HOOK3: variants seen among roughly 807,000 people sequenced by gnomAD.
The protein encoded by HOOK3 is hook microtubule tethering protein 3.
In HOOK3, 24 loss-of-function variants were observed where a neutral mutation model predicts 116.3. The observed-to-expected ratio is 0.21, with a 90% CI of 0.15 to 0.29. HOOK3 has a LOEUF of 0.29. HOOK3 is among the 10% of genes least tolerant of loss of function. The pLI is 1.00. For missense variants in HOOK3, 632 were observed against 830.2 expected (o/e 0.76, Z 2.93); for synonymous variants, 275 against 283.0 (o/e 0.97, Z 0.28).
chr8:42,909,709 C>T (rs1471304602), intron 2 of HOOK3, among the ~76,000 whole-genome samples: 1 of 152,214 alleles, frequency 6.6e-6, no homozygotes, highest in African/African-American at 2.4e-5. Context: ...AAGCAATCCT[C>T]CTGCCTTGGC....
chr8:43,001,222 G>T (rs1310522867), intron 16 of HOOK3: 1 of 152,056 alleles, frequency 6.6e-6, no homozygotes, highest in African/African-American at 2.4e-5. Flanking sequence ...ACATATTGAG[G>T]AAAGAAGTGA....
At chr8:42,939,131 A>G (rs902610721) in intron 4 of HOOK3, among the ~76,000 whole-genome samples, 4 of 152,232 alleles carry the variant, frequency 2.6e-5, no homozygotes, top group African/African-American at 9.6e-5. Context: ...TACACAGACA[A>G]CGGCAACCAT....
At chr8:42,921,319 G>A (rs965696995) in intron 2 of HOOK3, among the ~76,000 whole-genome samples, 3 of 152,078 alleles carry the variant, frequency 2.0e-5, no homozygotes, top group African/African-American at 7.2e-5. Flanking sequence ...AGATTCATGT[G>A]TGAGTCTTTT....
chr8:42,993,365 T>G (rs757791664), intron 15 of HOOK3, among the ~76,000 whole-genome samples: 4 of 152,256 alleles, frequency 2.6e-5, no homozygotes, highest in Non-Finnish European at 5.9e-5. Context: ...CAGGCTGGTC[T>G]CGAACTCTTG....
intron 6 of HOOK3, among the ~76,000 whole-genome samples, chr8:42,950,799 C>A (rs1395783472): frequency 6.6e-6 from 1 of 151,896 alleles, no homozygotes; most frequent in South Asian, 2.1e-4. Context: ...GATTCTCCTG[C>A]CTCACTCTCC....
Position 42,982,764 on chromosome 8 carries a change from T to C in HOOK3, c.1391+68T>C, listed in dbSNP as rs183414164. 1.5e-5 allele frequency: 15 copies of C among 981,828 alleles called. No homozygotes were observed. The East Asian group carries it at 2.4e-4, about 16-fold the overall frequency. 60.8% of individuals were successfully genotyped at this position (981,828 alleles called of 1,614,324 possible). ...TTGGAGAAAACGTACTTCTCTACAA[T>C]ATGAAGAAGATAATTTCCTTATTCT... On this transcript the variant is annotated intron_variant, in intron 14 of 21. Coordinates refer to ENST00000307602, the MANE Select transcript of HOOK3 (RefSeq NM_032410.4).
rs1382504284 is a variant in HOOK3, at chr8:43,025,863, G to T, written c.*7365G>T. The T allele has an allele frequency of 9.5e-6, 2 of 209,780 alleles. No individual in the cohort carries two copies. The highest frequency in any genetic ancestry group is 1.9e-5 in the Non-Finnish European group (2 of 103,490). 13.0% of individuals were successfully genotyped at this position (209,780 alleles called of 1,614,324 possible). ...AGTTTTGTTTTAAATGAAGGCAAAA[G>T]TAGACATTTTTAAAGTATATTCAAC... On this transcript the variant is annotated 3_prime_UTR_variant, in exon 22 of 22. Coordinates refer to ENST00000307602, the MANE Select transcript of HOOK3 (RefSeq NM_032410.4).
intron 17 of HOOK3, among the ~76,000 whole-genome samples, chr8:43,004,569 TA>T (rs1490464633): frequency 6.7e-6 from 1 of 148,972 alleles, no homozygotes; most frequent in Non-Finnish European, 1.5e-5. Flanking sequence ...TAATCCCAGC[TA>T]CTTGCAAGGC....
At position 42,918,419 on chromosome 8, in the gene HOOK3, C is replaced by T. The variant is rs551114383; in HGVS notation, c.144-7138C>T. Reference sequence around the variant, plus strand: ...AATAAAATTTAGGTGTTTTTTTTAACATTTTTTTTTAAATTTTTTTAGTAT... The same window carrying T: ...AATAAAATTTAGGTGTTTTTTTTAATATTTTTTTTTAAATTTTTTTAGTAT... On this transcript the variant is annotated intron_variant, in intron 2 of 21. Transcript: ENST00000307602. Among the ~76,000 whole-genome samples, 14 of 151,844 alleles carry T rather than the reference C, an allele frequency of 9.2e-5. No individual in the cohort carries two copies. The East Asian group carries it at 2.7e-3, about 29-fold the overall frequency.
rs1490030351 is a variant in HOOK3, at chr8:43,028,801, C to T, written c.*10303C>T. On this transcript the variant is annotated 3_prime_UTR_variant, in exon 22 of 22. Coordinates refer to ENST00000307602, the MANE Select transcript of HOOK3 (RefSeq NM_032410.4). ...GGGACTAACCATAATCCTTTTGAGTCAGCTTGGTGCTTACAATTATTTTGT... is the reference window on the plus strand; with the variant it reads ...GGGACTAACCATAATCCTTTTGAGTTAGCTTGGTGCTTACAATTATTTTGT... The T allele has an allele frequency of 5.0e-6, 1 of 198,552 alleles. No homozygotes were observed. Among genetic ancestry groups the T allele is most frequent in the Admixed American group, 6.1e-5 (1 of 16,518 alleles). The allele number at this position is 198,552 out of a possible 1,614,324, so 12.3% of individuals were successfully genotyped here.
At chr8:42,983,258 C>T (rs1808987134) in intron 14 of HOOK3, among the ~76,000 whole-genome samples, 1 of 149,784 alleles carries the variant, frequency 6.7e-6, no homozygotes, top group Non-Finnish European at 1.5e-5. Context: ...GGTGTGAACT[C>T]AGGAGGCGTA....
At chr8:42,957,358 A>C (rs1400718408) in intron 7 of HOOK3, among the ~76,000 whole-genome samples, 1 of 152,218 alleles carries the variant, frequency 6.6e-6, no homozygotes, top group Non-Finnish European at 1.5e-5. Flanking sequence ...AATAAAATGC[A>C]TTTGCAATTA....
chr8:42,941,371 A>G (rs921722253), intron 4 of HOOK3, among the ~76,000 whole-genome samples: 2 of 151,078 alleles, frequency 1.3e-5, no homozygotes, highest in Non-Finnish European at 3.0e-5. Flanking sequence ...AAAAAAAATT[A>G]GGTGGGTGTG....
chr8:42,936,915 A>C (rs1444155861), intron 4 of HOOK3, among the ~76,000 whole-genome samples: 1 of 151,984 alleles, frequency 6.6e-6, no homozygotes, highest in East Asian at 1.9e-4. Flanking sequence ...CAAATGAGTT[A>C]GGGAGGAGTA....
intron 3 of HOOK3, among the ~76,000 whole-genome samples, chr8:42,928,172 G>A (rs1016351902): frequency 6.6e-6 from 1 of 152,090 alleles, no homozygotes; most frequent in Non-Finnish European, 1.5e-5. Context: ...CCAGCTACTC[G>A]GGAGGCTGAG....
chr8:42,903,661 AT>A (rs1215350216), intron 1 of HOOK3, among the ~76,000 whole-genome samples: 1 of 148,230 alleles, frequency 6.7e-6, no homozygotes, highest in Non-Finnish European at 1.5e-5. Context: ...TCTTTTAAAG[AT>A]TTGATAAATG....
chr8:42,948,845 T>A (rs1808285461), intron 5 of HOOK3, among the ~76,000 whole-genome samples: 1 of 152,242 alleles, frequency 6.6e-6, no homozygotes, highest in Admixed American at 6.5e-5. Flanking sequence ...GTTATGATAT[T>A]CCTGTTGGCC....
At chr8:42,934,548 C>T (rs1425887902) in intron 4 of HOOK3, among the ~76,000 whole-genome samples, 1 of 152,064 alleles carries the variant, frequency 6.6e-6, no homozygotes, top group Non-Finnish European at 1.5e-5. Flanking sequence ...CCCTAGCCCC[C>T]CTCCCCCGCA....
chr8:43,002,643 T>G (rs961369045), intron 17 of HOOK3, among the ~76,000 whole-genome samples: 2 of 152,220 alleles, frequency 1.3e-5, no homozygotes, highest in African/African-American at 4.8e-5. Flanking sequence ...TATTGCCAGC[T>G]TAATCTATTT....
Sources: gnomAD v4.1 joint callset for allele counts (sites outside exome capture counted in the v4.1 genomes callset) on GRCh38, gnomAD v4.1.1 for gene constraint, MANE v1.5 for transcripts, NCBI Gene and HGNC (gene_info 2026-07-23, HGNC 2026-07-21) for gene names.